The following CFAP52 variants were observed in gnomAD, a reference collection of about 807,000 sequenced individuals.
CFAP52 encodes the protein cilia- and flagella-associated protein 52.
CFAP52 carries 57 observed loss-of-function variants against 70.5 expected under a neutral mutation model. The observed-to-expected ratio is 0.81, with a 90% CI of 0.65 to 1.01. CFAP52 has a LOEUF of 1.01. Among genes scored for constraint, CFAP52 ranks in the 50% least tolerant of loss-of-function variants. The pLI, the probability that CFAP52 is intolerant of heterozygous loss-of-function variation, is 0.00. For missense variants in CFAP52, 785 were observed against 788.5 expected, an observed-to-expected ratio of 1.00 and a Z score of 0.05; for synonymous variants, 267 against 292.5, an observed-to-expected ratio of 0.91 and a Z score of 0.89.
At chr17:9,621,994 T>TA (rs1170084838) in intron 8 of CFAP52, among the ~76,000 whole-genome samples, 3 of 151,682 alleles carry the variant, frequency 2.0e-5, no homozygotes, top group African/African-American at 2.4e-5. Context: ...CCCTAAAACT[T>TA]AGAGTATAAT....
intron 1 of CFAP52, 84 bp from the exon 2 acceptor site, chr17:9,585,689 A>ACACAC: frequency 7.4e-7 from 1 of 1,348,894 alleles, no homozygotes; most frequent in Non-Finnish European, 1.0e-6. Flanking sequence ...ACACACACAC[A>ACACAC]AAGTGTTGTG....
At chr17:9,635,900 T>C (rs2151951854) in intron 11 of CFAP52, among the ~76,000 whole-genome samples, 1 of 152,236 alleles carries the variant, frequency 6.6e-6, no homozygotes, top group South Asian at 2.1e-4. Context: ...AGGTCGGGCG[T>C]GGTGGCTTCT....
intron 12 of CFAP52, among the ~76,000 whole-genome samples, chr17:9,640,099 C>T (rs1910982754): frequency 6.6e-6 from 1 of 152,140 alleles, no homozygotes; most frequent in Admixed American, 6.5e-5. Flanking sequence ...TAATGTCTAG[C>T]TAGATTCAGA....
chr17:9,631,346 T>C (rs1157106168), intron 9 of CFAP52, among the ~76,000 whole-genome samples: 1 of 152,114 alleles, frequency 6.6e-6, no homozygotes, highest in Admixed American at 6.5e-5. Context: ...CTGCCTGAAA[T>C]ATTCTTTCCC....
chr17:9,585,905 C>T lies in CFAP52; in HGVS notation c.203C>T (p.Ser68Phe), dbSNP rs774949333. The T allele has an allele frequency of 2.5e-6, 4 of 1,613,826 alleles. No individual in the cohort carries two copies. The Admixed American group carries it at 5.0e-5, about 20-fold the overall frequency. Residue 68 changes from serine to phenylalanine, a missense_variant, in exon 2 of 14, where the codon TCC becomes TTC. By Grantham distance (155) the Ser-to-Phe change is radical. Coordinates refer to ENST00000352665, the MANE Select transcript of CFAP52 (RefSeq NM_145054.5). ...CTACAGGGTCATGGCAACAACGTCT[C>T]CTGCTTGGCCATCTCCAGGTCTGGA... ...NFLQGHGNNV[S>F]CLAISRSGEY... is the part of the protein sequence containing the mutation.
intron 9 of CFAP52, 113 bp from the exon 10 acceptor site, chr17:9,632,775 C>G: frequency 1.4e-6 from 2 of 1,432,880 alleles, no homozygotes; most frequent in South Asian, 1.5e-5. Flanking sequence ...TGGTCTCTTT[C>G]CTCCAGCACA....
Position 9,585,893 on chromosome 17 carries a change from GCAA to G in CFAP52, c.196_198del (p.Asn66del), listed in dbSNP as rs781388844. 11 of 1,613,706 alleles carry G rather than the reference GCAA, an allele frequency of 6.8e-6. No homozygotes were observed. The highest frequency in any genetic ancestry group is 9.3e-6 in the Non-Finnish European group (11 of 1,179,912). On this transcript the variant is annotated inframe_deletion, in exon 2 of 14. Coordinates refer to ENST00000352665, the MANE Select transcript of CFAP52 (RefSeq NM_145054.5). ...GAGCAGAACTTCCTACAGGGTCATG[GCAA>G]CAACGTCTCCTGCTTGGCCATCTCC...
intron 3 of CFAP52, 150 bp downstream of exon 3, chr17:9,586,984 T>A (rs1212822248): frequency 1.1e-6 from 1 of 946,070 alleles, no homozygotes; most frequent in Non-Finnish European, 1.5e-6. Flanking sequence ...CTCAGCCTAG[T>A]ACCCAGTAGT....
intron 1 of CFAP52, 47 bp from the exon 2 acceptor site, chr17:9,585,726 G>A: frequency 6.3e-7 from 1 of 1,588,948 alleles, no homozygotes; most frequent in Non-Finnish European, 8.6e-7. Context: ...AAAATTCCTG[G>A]CCACTTCTGC....
At chr17:9,605,431 G>A (rs1292688635) in intron 6 of CFAP52, among the ~76,000 whole-genome samples, 1 of 152,024 alleles carries the variant, frequency 6.6e-6, no homozygotes. Flanking sequence ...AAAAGATCAG[G>A]CTGGGCGCGG....
At chr17:9,622,374 C>G (rs375795363) in intron 8 of CFAP52, among the ~76,000 whole-genome samples, 29 of 152,028 alleles carry the variant, frequency 1.9e-4, no homozygotes, top group East Asian at 1.5e-3. Context: ...TGGTGAGACA[C>G]CCCTTCCTCA....
intron 1 of CFAP52, among the ~76,000 whole-genome samples, chr17:9,579,757 G>A (rs780743106): frequency 6.6e-6 from 1 of 152,098 alleles, no homozygotes; most frequent in Non-Finnish European, 1.5e-5. Context: ...TAATAGACAC[G>A]GTGTTTCGCC....
chr17:9,586,292 G>C (rs929977554), intron 2 of CFAP52, among the ~76,000 whole-genome samples: 1 of 152,040 alleles, frequency 6.6e-6, no homozygotes, highest in Admixed American at 6.6e-5. Flanking sequence ...GGCTGGGCGC[G>C]GTGGCTCATG....
At chr17:9,592,048 A>G (rs535143904) in intron 3 of CFAP52, among the ~76,000 whole-genome samples, 1 of 152,262 alleles carries the variant, frequency 6.6e-6, no homozygotes, top group African/African-American at 2.4e-5. Flanking sequence ...TAATTGAAAT[A>G]CATTTCACAT....
At chr17:9,578,466 G>A (rs1432456668) in intron 1 of CFAP52, among the ~76,000 whole-genome samples, 1 of 152,186 alleles carries the variant, frequency 6.6e-6, no homozygotes, top group Non-Finnish European at 1.5e-5. Flanking sequence ...AACTGGACAG[G>A]TTGCAGTTGT....
In CFAP52 at chr17:9,641,788, C is replaced by G. The variant is rs756886009; in HGVS notation, c.1640C>G (p.Ser547Trp). 1 of 1,613,838 alleles carries G rather than the reference C, an allele frequency of 6.2e-7. No individual in the cohort carries two copies. The highest frequency in any genetic ancestry group is 8.5e-7 in the Non-Finnish European group (1 of 1,179,892). The part of the protein sequence containing the change: ...IRELEGSLSG[S>W]INGMDITQEG... ...GAATTGGAAGGTTCCCTGTCTGGGT[C>G]GATAAATGGCATGGATATCACACAG... The change falls in exon 13 of 14, where the codon TCG becomes TGG. Residue 547 changes from serine to tryptophan, a missense_variant. Physicochemically the swap from Ser to Trp is radical, Grantham distance 177. Coordinates refer to ENST00000352665, the MANE Select transcript of CFAP52 (RefSeq NM_145054.5).
chr17:9,625,142 A>T (rs1443776017), intron 8 of CFAP52, among the ~76,000 whole-genome samples: 4 of 152,102 alleles, frequency 2.6e-5, no homozygotes, highest in African/African-American at 7.2e-5. Flanking sequence ...ACAAACAAAA[A>T]ACCTCTCAGA....
chr17:9,610,684 G>A (rs1199148757), intron 7 of CFAP52, among the ~76,000 whole-genome samples: 1 of 152,050 alleles, frequency 6.6e-6, no homozygotes, highest in Admixed American at 6.6e-5. Flanking sequence ...ACAGGTGCCC[G>A]CCACCAAGCC....
chr17:9,635,491 G>A lies in CFAP52; in HGVS notation c.1407G>A (p.Val469=). 1 of 1,614,224 alleles carries A rather than the reference G, an allele frequency of 6.2e-7. No individual in the cohort carries two copies. Among genetic ancestry groups the A allele is most frequent in the South Asian group, 1.1e-5 (1 of 91,084 alleles). ...EHKSSVSCIR[V]KRNNEECVTA... The stretch of plus-strand genomic sequence containing the variant: ...AGTCATCAGTGTCCTGCATTAGGGT[G>A]AAGAGGAACAACGAGGAGTGTGTCA... Residue 469 remains valine (V), a synonymous_variant, in exon 11 of 14, where the codon GTG becomes GTA. Coordinates refer to ENST00000352665, the MANE Select transcript of CFAP52 (RefSeq NM_145054.5).
Sources: allele counts gnomAD v4.1 joint callset (sites outside exome capture counted in the v4.1 genomes callset), GRCh38; gene constraint gnomAD v4.1.1; transcripts MANE v1.5; gene names NCBI Gene and HGNC (gene_info 2026-07-23, HGNC 2026-07-21).